Variants in LIMCH1 observed in about 807,000 individuals in gnomAD.
LIMCH1 encodes LIM and calponin homology domains-containing protein 1.
Under a neutral mutation model 176.5 loss-of-function variants are expected in LIMCH1, and 113 were observed. That is an observed-to-expected ratio of 0.64 (90% confidence interval 0.55 to 0.75). LIMCH1 has a LOEUF of 0.75. LIMCH1 is among the 30% of genes least tolerant of loss of function. The pLI is 0.00. For missense variants in LIMCH1, 1,674 were observed against 1,814.9 expected (o/e 0.92, Z 1.41); for synonymous variants, 619 against 645.9 (o/e 0.96, Z 0.63).
intron 1 of LIMCH1, among the ~76,000 whole-genome samples, chr4:41,409,330 A>G (rs553049232): frequency 2.0e-5 from 3 of 152,312 alleles, no homozygotes; most frequent in Non-Finnish European, 2.9e-5. Flanking sequence ...GGAAATATTC[A>G]GCCAAAAAGC....
intron 5 of LIMCH1, among the ~76,000 whole-genome samples, chr4:41,617,626 G>A (rs4860998): frequency 0.66 from 100,270 of 152,084 alleles, 34,592 homozygotes; most frequent in East Asian, 0.86. Context: ...AAGGAGGACT[G>A]AAAGCATGTG....
rs1284072270 is a variant in LIMCH1 at position 41,460,463 on chromosome 4, T to TATATATCTATATATATATATATATATAG, written c.97-34067_97-34066insCTATATATATATATATATATAGATATAT. Reference sequence around the variant, plus strand: ...TGTTCCACTATAGTAATCATCTATATATATATATATATATATCTTATAATA... The same window carrying TATATATCTATATATATATATATATATAG: ...TGTTCCACTATAGTAATCATCTATATATATATCTATATATATATATATATATAGATATATATATATATATCTTATAATA... On this transcript the variant is annotated intron_variant, in intron 1 of 26. Transcript: ENST00000313860. Among the ~76,000 whole-genome samples, 73 of 139,740 alleles carry TATATATCTATATATATATATATATATAG rather than the reference T, an allele frequency of 5.2e-4. 3 individuals carry two copies. Among genetic ancestry groups the TATATATCTATATATATATATATATATAG allele is most frequent in the African/African-American group, 1.5e-3 (52 of 34,900 alleles). 91.7% of individuals were successfully genotyped at this position (139,740 alleles called of 152,430 possible).
chr4:41,659,213 G>A (rs1054390553), intron 18 of LIMCH1, among the ~76,000 whole-genome samples: 1 of 152,102 alleles, frequency 6.6e-6, no homozygotes, highest in African/African-American at 2.4e-5. Context: ...CTCTTGCAGG[G>A]ATTCAAGTCA....
At chr4:41,531,489 CACACACACACACACACACACACACACAT>C (rs1473057699) in intron 3 of LIMCH1, among the ~76,000 whole-genome samples, 1 of 135,540 alleles carries the variant, frequency 7.4e-6, no homozygotes, top group South Asian at 2.7e-4. Flanking sequence ...CACACACACA[CACACACACACACACACACACACACACAT>C]ACACACCTTA....
At chr4:41,506,775 A>C (rs1583268751) in intron 2 of LIMCH1, among the ~76,000 whole-genome samples, 1 of 152,152 alleles carries the variant, frequency 6.6e-6, no homozygotes, top group African/African-American at 2.4e-5. Context: ...CTTTCATAAC[A>C]CTCTGGTCAC....
At position 41,696,851 on chromosome 4, in the gene LIMCH1, T is replaced by C. The variant is rs555012711; in HGVS notation, c.4379-309T>C. 2.6e-5 allele frequency among the ~76,000 whole-genome samples: 4 copies of C among 152,262 alleles called. No individual in the cohort carries two copies. In the South Asian group the frequency reaches 6.2e-4, roughly 24 times the overall value. On this transcript the variant is annotated intron_variant, in intron 31 of 31. Coordinates refer to ENST00000503057, the MANE Select transcript of LIMCH1 (RefSeq NM_001330672.2). ...CCAGAGGACAAGGTAGAAAACTTGATGGAGATGCTTTGGTTTAGGGGCAAT... is the reference window on the plus strand; with the variant it reads ...CCAGAGGACAAGGTAGAAAACTTGACGGAGATGCTTTGGTTTAGGGGCAAT...
At chr4:41,565,847 C>T (rs2082695464) in intron 1 of LIMCH1, among the ~76,000 whole-genome samples, 1 of 152,172 alleles carries the variant, frequency 6.6e-6, no homozygotes, top group Non-Finnish European at 1.5e-5. Flanking sequence ...GTGCCCCACA[C>T]TCTGACAGTG....
chr4:41,590,776 C>T (rs1241573391), intron 1 of LIMCH1, among the ~76,000 whole-genome samples: 1 of 152,172 alleles, frequency 6.6e-6, no homozygotes, highest in Admixed American at 6.5e-5. Context: ...CTGGTATCCT[C>T]ATTAAGTGCT....
chr4:41,499,634 A>T (rs908195961), intron 2 of LIMCH1, among the ~76,000 whole-genome samples: 1 of 152,222 alleles, frequency 6.6e-6, no homozygotes, highest in Admixed American at 6.5e-5. Flanking sequence ...CCTGGCCAAC[A>T]TGGCAAAACC....
chr4:41,452,609 C>G (rs1413019609), intron 1 of LIMCH1, among the ~76,000 whole-genome samples: 1 of 152,208 alleles, frequency 6.6e-6, no homozygotes, highest in African/African-American at 2.4e-5. Flanking sequence ...AATGCCCTTG[C>G]CAGTCTGTAG....
At chr4:41,420,719 A>G (rs2060535374) in intron 1 of LIMCH1, among the ~76,000 whole-genome samples, 1 of 152,184 alleles carries the variant, frequency 6.6e-6, no homozygotes, top group Admixed American at 6.5e-5. Flanking sequence ...CATGCTTGGC[A>G]GGTCCTCCAC....
intron 1 of LIMCH1, among the ~76,000 whole-genome samples, chr4:41,464,012 T>C (rs961542789): frequency 1.3e-5 from 2 of 152,048 alleles, no homozygotes; most frequent in African/African-American, 2.4e-5. Flanking sequence ...CCATCCTTTT[T>C]TCTTTACAGT....
chr4:41,514,792 C>T (rs757070522), intron 2 of LIMCH1, among the ~76,000 whole-genome samples: 5 of 152,152 alleles, frequency 3.3e-5, no homozygotes, highest in Admixed American at 1.3e-4. Context: ...CCTTACTGCA[C>T]CTATCTTGCT....
At chr4:41,547,154 G>T (rs2152497472) in intron 1 of LIMCH1, among the ~76,000 whole-genome samples, 1 of 152,166 alleles carries the variant, frequency 6.6e-6, no homozygotes, top group East Asian at 1.9e-4. Flanking sequence ...TTATTTCTTT[G>T]TGGTGAGAAC....
intron 13 of LIMCH1, among the ~76,000 whole-genome samples, chr4:41,636,551 T>C (rs74504433): frequency 0.016 from 2,431 of 152,114 alleles, 26 homozygotes; most frequent in South Asian, 0.049. Flanking sequence ...ATGAAGGTTA[T>C]CTTCGGAAAC....
intron 2 of LIMCH1, among the ~76,000 whole-genome samples, chr4:41,516,420 AT>A (rs2075589234): frequency 6.6e-6 from 1 of 152,242 alleles, no homozygotes; most frequent in African/African-American, 2.4e-5. Flanking sequence ...CTCTCTTCAG[AT>A]TTAGAAACCC....
chr4:41,408,956 A>G (rs1164364714), intron 1 of LIMCH1, among the ~76,000 whole-genome samples: 1 of 152,150 alleles, frequency 6.6e-6, no homozygotes, highest in Non-Finnish European at 1.5e-5. Flanking sequence ...TTTTAACTTT[A>G]GTTGTAGGAA....
chr4:41,477,161 G>A (rs942364537), intron 1 of LIMCH1, among the ~76,000 whole-genome samples: 4 of 152,130 alleles, frequency 2.6e-5, no homozygotes, highest in Admixed American at 2.6e-4. Context: ...AGGAAATTGG[G>A]CAAATTACTT....
chr4:41,671,441 A>AC, intron 21 of LIMCH1, 113 bp from the exon 22 acceptor site: 2 of 553,972 alleles, frequency 3.6e-6, no homozygotes, highest in Admixed American at 2.8e-5. Flanking sequence ...CACACACACA[A>AC]AATTGGTTTA....
Sources: gnomAD v4.1 joint callset for allele counts (sites outside exome capture counted in the v4.1 genomes callset) on GRCh38, gnomAD v4.1.1 for gene constraint, MANE v1.5 for transcripts, NCBI Gene and HGNC (gene_info 2026-07-23, HGNC 2026-07-21) for gene names.